AGBL1: variants seen among roughly 807,000 people sequenced by gnomAD.
AGBL1 encodes cytosolic carboxypeptidase 4.
Under a neutral mutation model 118.9 loss-of-function variants are expected in AGBL1, and 130 were observed. The ratio of observed to expected loss-of-function variants is 1.09; its 90% CI spans 0.95 to 1.26. The LOEUF (loss-of-function observed/expected upper bound fraction) is 1.26. Ranked by LOEUF, AGBL1 falls within the 50% of genes most tolerant of loss-of-function variation. The pLI is 0.00. For missense variants in AGBL1, 1,584 were observed against 1,298.1 expected (o/e 1.22, Z -3.38); for synonymous variants, 555 against 478.9 (o/e 1.16, Z -2.08).
rs1056144949 is a variant in AGBL1, at chr15:86,914,443, A to G, written c.*7149A>G. On this transcript the variant is annotated 3_prime_UTR_variant, in exon 23 of 23. Transcript: ENST00000614907. ...CTTAAAGAGACACGTTTAGTAAATG[A>G]TAGAGCTGGAATCTGTTCCCGGGGA... 2 of 152,188 alleles carry G rather than the reference A, an allele frequency of 1.3e-5. No individual in the cohort carries two copies. The highest frequency in any genetic ancestry group is 2.9e-5 in the Non-Finnish European group (2 of 68,042). 9.4% of individuals were successfully genotyped at this position (152,188 alleles called of 1,614,324 possible).
chr15:86,091,143 A>G (rs779465387), intron 1 of AGBL1, among the ~76,000 whole-genome samples: 65 of 152,198 alleles, frequency 4.3e-4, no homozygotes, highest in Non-Finnish European at 8.1e-4. Flanking sequence ...GTGCTAGGAG[A>G]TTTGCCTAGC....
Position 86,328,147 on chromosome 15 carries a change from C to T in AGBL1, c.2374+32739C>T, listed in dbSNP as rs73453411. 4.9e-3 allele frequency among the ~76,000 whole-genome samples: 739 copies of T among 152,202 alleles called. 1 individual carries two copies. Among genetic ancestry groups the T allele is most frequent in the African/African-American group, 0.017 (694 of 41,528 alleles). ...TATGGATATTTGTTTTTCTCATTTC[C>T]TACCTGCTTCCCCCAACTATAAAAC... On this transcript the variant is annotated intron_variant, in intron 17 of 22. Transcript: ENST00000614907.
intron 23 of AGBL1, among the ~76,000 whole-genome samples, chr15:86,945,372 GAT>G (rs1159147789): frequency 2.0e-5 from 3 of 151,684 alleles, no homozygotes; most frequent in Non-Finnish European, 4.4e-5. Flanking sequence ...TAGTAGAAAA[GAT>G]AGTAAAAAAC....
chr15:86,207,311 A>G (rs1378496666), intron 5 of AGBL1, among the ~76,000 whole-genome samples: 1 of 152,222 alleles, frequency 6.6e-6, no homozygotes, highest in Non-Finnish European at 1.5e-5. Context: ...TCGGTTCCAT[A>G]TGAACTTTAA....
chr15:87,018,765 T>A (rs181230777), intron 24 of AGBL1, among the ~76,000 whole-genome samples: 43 of 152,212 alleles, frequency 2.8e-4, no homozygotes, highest in African/African-American at 9.9e-4. Flanking sequence ...CAAACTCACA[T>A]ATAACAATAC....
intron 1 of AGBL1, among the ~76,000 whole-genome samples, chr15:86,082,476 C>T (rs763829323): frequency 2.2e-4 from 33 of 152,228 alleles, no homozygotes; most frequent in South Asian, 4.1e-4. Context: ...TTAGGAGTGC[C>T]CCAAAAGGTT....
At chr15:86,377,412 T>C (rs2141954221) in intron 17 of AGBL1, among the ~76,000 whole-genome samples, 1 of 152,268 alleles carries the variant, frequency 6.6e-6, no homozygotes, top group African/African-American at 2.4e-5. Context: ...GTTGAAGATA[T>C]GGTAGTTCTC....
At chr15:86,734,831 C>A (rs1246740605) in intron 22 of AGBL1, among the ~76,000 whole-genome samples, 2 of 152,046 alleles carry the variant, frequency 1.3e-5, no homozygotes, top group African/African-American at 4.8e-5. Flanking sequence ...AAGAGCAAGC[C>A]TTTCCTTACA....
chr15:86,368,987 A>G (rs764628339), intron 17 of AGBL1, among the ~76,000 whole-genome samples: 4 of 152,212 alleles, frequency 2.6e-5, no homozygotes, highest in African/African-American at 4.8e-5. Flanking sequence ...AGTTAGACTG[A>G]AAGAAAGGGA....
rs568938690 is a variant in AGBL1, at chr15:86,719,372, A to C, written c.3158+44936A>C. On this transcript the variant is annotated intron_variant, in intron 22 of 22. Transcript: ENST00000614907. The stretch of plus-strand genomic sequence containing the variant: ...AAGTTAATTAATACCAGCTCTGAGT[A>C]GGCATGTGAGCTAAAGATGGGGTAG... Among the ~76,000 whole-genome samples, 317 of 152,314 alleles carry C rather than the reference A, an allele frequency of 2.1e-3. 2 individuals are homozygous for C. Among genetic ancestry groups the C allele is most frequent in the African/African-American group, 7.3e-3 (305 of 41,558 alleles).
chr15:86,169,768 T>C lies in AGBL1; in HGVS notation c.488+10742T>C, dbSNP rs2077390086. Reference sequence around the variant, plus strand: ...TTTAATCCACAGTTGGTTGAATCCATGTGTGTGGAACCCATGAATACAGAG... The same window carrying C: ...TTTAATCCACAGTTGGTTGAATCCACGTGTGTGGAACCCATGAATACAGAG... On this transcript the variant is annotated intron_variant, in intron 5 of 22. Coordinates refer to ENST00000614907, the MANE Select transcript of AGBL1 (RefSeq NM_001386094.1). Among the ~76,000 whole-genome samples, 3 of 152,220 alleles carry C rather than the reference T, an allele frequency of 2.0e-5. No individual in the cohort carries two copies. The South Asian group carries it at 6.2e-4, about 31-fold the overall frequency.
chr15:86,723,451 A>G (rs1218908057), intron 22 of AGBL1, among the ~76,000 whole-genome samples: 2 of 152,210 alleles, frequency 1.3e-5, no homozygotes, highest in Admixed American at 1.3e-4. Context: ...TGGGAATTGA[A>G]CAATGAGAAC....
chr15:86,390,660 A>T (rs368793439), intron 17 of AGBL1, among the ~76,000 whole-genome samples: 32 of 75,440 alleles, frequency 4.2e-4, no homozygotes, highest in East Asian at 1.8e-3. Context: ...ATACTGTATG[A>T]TTTTTTTTTT....
chr15:86,627,206 G>T (rs955716559), intron 21 of AGBL1, among the ~76,000 whole-genome samples: 1 of 152,122 alleles, frequency 6.6e-6, no homozygotes, highest in Non-Finnish European at 1.5e-5. Context: ...CTCCATGTTG[G>T]TCAGGCTAGT....
chr15:86,668,589 T>A (rs1379427388), intron 21 of AGBL1, among the ~76,000 whole-genome samples: 1 of 152,180 alleles, frequency 6.6e-6, no homozygotes, highest in Non-Finnish European at 1.5e-5. Context: ...GTCTTTCCTC[T>A]GTGCATGTTT....
intron 5 of AGBL1, among the ~76,000 whole-genome samples, chr15:86,209,903 C>T (rs2078061756): frequency 6.6e-6 from 1 of 152,144 alleles, no homozygotes. Context: ...CAGTTTCTTC[C>T]TAGCATTGAT....
At chr15:86,571,986 C>T (rs745415155) in intron 21 of AGBL1, among the ~76,000 whole-genome samples, 2 of 152,226 alleles carry the variant, frequency 1.3e-5, no homozygotes, top group Admixed American at 6.5e-5. Flanking sequence ...GCCTCCCTCC[C>T]ATGCTTGTTG....
chr15:86,271,238 G>GT (rs1467527874), intron 14 of AGBL1, among the ~76,000 whole-genome samples: 3 of 151,612 alleles, frequency 2.0e-5, no homozygotes, highest in African/African-American at 7.3e-5. Flanking sequence ...GCCGTGTTGT[G>GT]TTTTTAGTAG....
intron 22 of AGBL1, among the ~76,000 whole-genome samples, chr15:86,825,374 A>C (rs1475293127): frequency 7.1e-6 from 1 of 141,220 alleles, no homozygotes; most frequent in Non-Finnish European, 1.5e-5. Flanking sequence ...TTGAAAAGAC[A>C]AGGTAGAAAC....
Sources: gnomAD v4.1 joint callset for allele counts (sites outside exome capture counted in the v4.1 genomes callset) on GRCh38, gnomAD v4.1.1 for gene constraint, MANE v1.5 for transcripts, NCBI Gene and HGNC (gene_info 2026-07-23, HGNC 2026-07-21) for gene names.